Variants in KLHL42 observed in about 807,000 individuals in gnomAD.
KLHL42 encodes the protein kelch-like protein 42.
KLHL42 carries 27 observed loss-of-function variants against 32.7 expected under a neutral mutation model. That is an observed-to-expected ratio of 0.83 (90% CI 0.61 to 1.14). The LOEUF is 1.14. Among genes scored for constraint, KLHL42 ranks in the 50% most tolerant of loss-of-function variants. The probability of loss-of-function intolerance (pLI) is 0.00; values close to 1 mark genes in which losing one functional copy is unlikely to be tolerated. For synonymous variants in KLHL42, 267 were observed against 248.2 expected (o/e 1.08, Z -0.71); for missense variants, 491 against 560.8 (o/e 0.88, Z 1.26).
intron 1 of KLHL42, among the ~76,000 whole-genome samples, chr12:27,785,345 A>T (rs531599040): frequency 6.6e-6 from 1 of 152,296 alleles, no homozygotes; most frequent in East Asian, 1.9e-4. Context: ...GACTACAGGC[A>T]TGCAACACCA....
chr12:27,790,258 T>G (rs995246239), intron 1 of KLHL42, among the ~76,000 whole-genome samples: 19 of 152,268 alleles, frequency 1.2e-4, no homozygotes, highest in African/African-American at 4.6e-4. Context: ...GTGTAGTAGT[T>G]TCTGATAGAC....
At position 27,801,957 on chromosome 12, in the gene KLHL42, C is replaced by G. The variant is rs528367802; in HGVS notation, c.*3791C>G. The G allele has an allele frequency of 6.6e-6, 1 of 151,768 alleles. No individual in the cohort carries two copies. The highest frequency in any genetic ancestry group is 2.4e-5 in the African/African-American group (1 of 41,298). 9.4% of individuals were successfully genotyped at this position (151,768 alleles called of 1,614,324 possible). A position where few individuals can be genotyped will look rare whatever the true frequency, so the allele number is the denominator to read the frequency against. On this transcript the variant is annotated 3_prime_UTR_variant, in exon 3 of 3. Transcript: ENST00000381271. ...AGAGGTTCACTGTAATTGTCTTCAC[C>G]AGGGCGTCCTTCTCAAAGATGCCCA...
chr12:27,792,102 T>A (rs1324996542), intron 2 of KLHL42: 1 of 421,720 alleles, frequency 2.4e-6, no homozygotes, highest in Non-Finnish European at 4.2e-6. Flanking sequence ...TAACTTTGTG[T>A]GAGCATGAAA....
chr12:27,796,835 C>T (rs1328281283), intron 2 of KLHL42, among the ~76,000 whole-genome samples: 5 of 152,050 alleles, frequency 3.3e-5, no homozygotes, highest in African/African-American at 1.2e-4. Context: ...GGAGGTCTCA[C>T]CATATTGCCC....
chr12:27,800,075 G>T lies in KLHL42; in HGVS notation c.*1909G>T, dbSNP rs868183497. On this transcript the variant is annotated 3_prime_UTR_variant, in exon 3 of 3. Coordinates refer to ENST00000381271, the MANE Select transcript of KLHL42 (RefSeq NM_020782.2). ...TTATTTTAGATGGTGTTAACTTTTC[G>T]TTGCTGAAGAGCTTAACTTTTTAAA... is the stretch of plus-strand genomic sequence containing the variant. 2.0e-6 allele frequency: 2 copies of T among 980,696 alleles called. No individual in the cohort carries two copies. The highest frequency in any genetic ancestry group is 1.2e-6 in the Non-Finnish European group (1 of 825,872). The allele number at this position is 980,696 out of a possible 1,614,324, so 60.7% of individuals were successfully genotyped here.
In KLHL42 at chr12:27,781,027, G is replaced by T; in HGVS notation, c.697G>T (p.Ala233Ser). 1 of 1,612,746 alleles carries T rather than the reference G, an allele frequency of 6.2e-7. No homozygotes were observed. Residue 233 changes from alanine to serine, a missense_variant, in exon 1 of 3, where the codon GCC (alanine) becomes TCC (serine). Physicochemically the swap from Ala to Ser is moderately conservative, Grantham distance 99. Around this residue, in one of 4 missense-constraint regions of KLHL42, gnomAD observed 248 missense variants for 329.2 expected, o/e 0.75. Coordinates refer to ENST00000381271, the MANE Select transcript of KLHL42 (RefSeq NM_020782.2). ...EEMTERWFPL[A>S]NNLPPDLVNV... Reference sequence around the variant, plus strand: ...GATGACTGAGCGTTGGTTCCCGCTGGCCAACAACCTTCCTCCCGACCTGGT... The same window carrying T: ...GATGACTGAGCGTTGGTTCCCGCTGTCCAACAACCTTCCTCCCGACCTGGT...
At chr12:27,793,538 T>A (rs2062206608) in intron 2 of KLHL42, among the ~76,000 whole-genome samples, 1 of 148,310 alleles carries the variant, frequency 6.7e-6, no homozygotes, top group African/African-American at 2.5e-5. Context: ...TGAGACCCAG[T>A]CTCTAAAATA....
At chr12:27,797,134 C>CAA (rs543472917) in intron 2 of KLHL42, 18,455 of 368,140 alleles carry the variant, frequency 0.05, 258 homozygotes, top group Non-Finnish European at 0.069. Context: ...TAAAAAAAAA[C>CAA]AAAAAAAAAA....
At chr12:27,792,634 C>G (rs570346327) in intron 2 of KLHL42, among the ~76,000 whole-genome samples, 6 of 152,296 alleles carry the variant, frequency 3.9e-5, no homozygotes, top group African/African-American at 1.4e-4. Flanking sequence ...AGCAGTCCTC[C>G]TGCCTCAGCC....
rs541809839 is a variant in KLHL42, at chr12:27,792,194, C to T, written c.1066+293C>T. 414 of 220,958 alleles carry T rather than the reference C, an allele frequency of 1.9e-3. 4 individuals carry two copies. Among genetic ancestry groups the T allele is most frequent in the African/African-American group, 8.7e-3 (381 of 43,678 alleles). The allele number at this position is 220,958 out of a possible 1,614,324, so 13.7% of individuals were successfully genotyped here. On this transcript the variant is annotated intron_variant, in intron 2 of 2. Coordinates refer to ENST00000381271, the MANE Select transcript of KLHL42 (RefSeq NM_020782.2). Reference sequence around the variant, plus strand: ...CTGGAAACCCAGCTTTTTGGTCAGCCGTCTTGTGATTTGGCTGGGCCTGGT... The same window carrying T: ...CTGGAAACCCAGCTTTTTGGTCAGCTGTCTTGTGATTTGGCTGGGCCTGGT...
chr12:27,784,402 A>G (rs1050090023), intron 1 of KLHL42, among the ~76,000 whole-genome samples: 5 of 151,790 alleles, frequency 3.3e-5, no homozygotes, highest in Non-Finnish European at 7.4e-5. Context: ...AGGCTTCCCA[A>G]AGTGCTGGGA....
chr12:27,782,904 CTT>C (rs2078292470), intron 1 of KLHL42, among the ~76,000 whole-genome samples: 1 of 152,072 alleles, frequency 6.6e-6, no homozygotes, highest in South Asian at 2.1e-4. Context: ...TATCAACAGA[CTT>C]TTGTTACCTT....
intron 1 of KLHL42, among the ~76,000 whole-genome samples, chr12:27,784,239 T>G (rs141148739): frequency 6.6e-6 from 1 of 150,422 alleles, no homozygotes; most frequent in East Asian, 2.0e-4. Flanking sequence ...GGTTACGCCA[T>G]TCTCCTGCCT....
chr12:27,799,666 T>A lies in KLHL42; in HGVS notation c.*1500T>A, dbSNP rs2062235656. 6.6e-6 allele frequency: 1 copy of A among 152,624 alleles called. No individual in the cohort carries two copies. Among genetic ancestry groups the A allele is most frequent in the Non-Finnish European group, 1.5e-5 (1 of 68,044 alleles). 9.5% of individuals were successfully genotyped at this position (152,624 alleles called of 1,614,324 possible). A position where few individuals can be genotyped will look rare whatever the true frequency, so the allele number is the denominator to read the frequency against. On this transcript the variant is annotated 3_prime_UTR_variant, in exon 3 of 3. Transcript: ENST00000381271. ...GCTAATCACTTAGAGTTCTTCAGTT[T>A]ATTAGAGGAGTGACTACAGGTTTTC...
intron 2 of KLHL42, among the ~76,000 whole-genome samples, chr12:27,795,682 T>C (rs4931479): frequency 0.59 from 89,058 of 152,078 alleles, 27,456 homozygotes; most frequent in Non-Finnish European, 0.69. Context: ...AGTGAGACTT[T>C]TAAAATTTAG....
intron 1 of KLHL42, among the ~76,000 whole-genome samples, chr12:27,784,383 C>A (rs11613407): frequency 6.6e-6 from 1 of 151,732 alleles, no homozygotes; most frequent in African/African-American, 2.4e-5. Context: ...CCTCGTGATC[C>A]GCCCACCTAG....
intron 2 of KLHL42, chr12:27,797,414 C>A (rs2062223878): frequency 3.8e-6 from 2 of 522,508 alleles, no homozygotes; most frequent in Non-Finnish European, 7.4e-6. Context: ...CCTGGTGGTT[C>A]AAAGGTGTGG....
intron 1 of KLHL42, among the ~76,000 whole-genome samples, chr12:27,789,481 G>A (rs2062187188): frequency 6.6e-6 from 1 of 152,142 alleles, no homozygotes; most frequent in Non-Finnish European, 1.5e-5. Flanking sequence ...CTGGAGAGAT[G>A]GAATCATTTA....
At chr12:27,791,945 T>C in intron 2 of KLHL42, 44 bp downstream of exon 2, 2 of 1,574,876 alleles carry the variant, frequency 1.3e-6, no homozygotes, top group Non-Finnish European at 1.7e-6. Context: ...TGTGTAGGCG[T>C]CAGCAGTCTG....
Sources: allele counts gnomAD v4.1 joint callset (sites outside exome capture counted in the v4.1 genomes callset), GRCh38; gene constraint gnomAD v4.1.1; regional missense constraint gnomAD v4.1.1; transcripts MANE v1.5; gene names NCBI Gene and HGNC (gene_info 2026-07-23, HGNC 2026-07-21).